ANOS1: variants seen among roughly 807,000 people sequenced by gnomAD.
The protein encoded by ANOS1 is anosmin-1.
Under a neutral mutation model 59.0 loss-of-function variants are expected in ANOS1, and 6 were observed. The ratio of observed to expected loss-of-function variants is 0.10; its 90% CI spans 0.06 to 0.20. ANOS1 has a LOEUF of 0.20. Among genes scored for constraint, ANOS1 ranks in the 10% least tolerant of loss-of-function variants. The pLI, the probability that ANOS1 is intolerant of heterozygous loss-of-function variation, is 1.00. For synonymous variants in ANOS1, 217 were observed against 223.4 expected, an observed-to-expected ratio of 0.97 and a Z score of 0.25; for missense variants, 433 against 542.3, an observed-to-expected ratio of 0.80 and a Z score of 2.00.
intron 2 of ANOS1, among the ~76,000 whole-genome samples, chrX:8,661,879 G>A (rs186068811): frequency 1.3e-3 from 148 of 110,972 alleles, no homozygotes; most frequent in African/African-American, 4.6e-3. Context: ...TGTAAGGGAC[G>A]GACATCAAAC....
At chrX:8,710,381 T>C (rs1406097969) in intron 1 of ANOS1, among the ~76,000 whole-genome samples, 2 of 111,895 alleles carry the variant, frequency 1.8e-5, no homozygotes, top group East Asian at 2.8e-4. Context: ...TTCCGGTCTC[T>C]GTCAAAGTGT....
chrX:8,681,934 G>A (rs1302361956), intron 2 of ANOS1, among the ~76,000 whole-genome samples: 1 of 111,454 alleles, frequency 9.0e-6, no homozygotes, highest in Non-Finnish European at 1.9e-5. Flanking sequence ...TACTCCTAAT[G>A]TAAGATAAGG....
intron 2 of ANOS1, among the ~76,000 whole-genome samples, chrX:8,673,896 A>C (rs1452997250): frequency 3.6e-5 from 4 of 111,261 alleles, no homozygotes; most frequent in Non-Finnish European, 7.5e-5. Context: ...AGGAGGCTGT[A>C]TTGTCTTCAC....
chrX:8,630,267 C>CA (rs1434129699), intron 2 of ANOS1, among the ~76,000 whole-genome samples: 2 of 110,345 alleles, frequency 1.8e-5, no homozygotes, highest in Non-Finnish European at 3.8e-5. Context: ...CTGTCTCTAC[C>CA]AAAAAATACA....
intron 2 of ANOS1, among the ~76,000 whole-genome samples, chrX:8,686,517 CTGTT>C (rs1932524506): frequency 1.8e-5 from 2 of 112,314 alleles, no homozygotes; most frequent in African/African-American, 6.5e-5. Flanking sequence ...TAAAGACAGG[CTGTT>C]TGATTTAAGT....
intron 2 of ANOS1, among the ~76,000 whole-genome samples, chrX:8,666,920 G>A (rs1361901759): frequency 9.0e-6 from 1 of 111,694 alleles, no homozygotes; most frequent in African/African-American, 3.3e-5. Flanking sequence ...CCCCATGAGG[G>A]GAAACTGCCC....
chrX:8,729,229 CAAGAG>C (rs1221715279), intron 1 of ANOS1, among the ~76,000 whole-genome samples: 1 of 109,573 alleles, frequency 9.1e-6, no homozygotes, highest in Non-Finnish European at 1.9e-5. Flanking sequence ...TGAAACCGTG[CAAGAG>C]AAGATGGAAA....
At chrX:8,559,091 A>G (rs1929991798) in intron 8 of ANOS1, among the ~76,000 whole-genome samples, 1 of 111,835 alleles carries the variant, frequency 8.9e-6, no homozygotes, top group African/African-American at 3.3e-5. Context: ...AAATACCACC[A>G]GGCAAATCTG....
At chrX:8,728,268 T>C (rs1376754508) in intron 1 of ANOS1, among the ~76,000 whole-genome samples, 2 of 112,264 alleles carry the variant, frequency 1.8e-5, no homozygotes, top group African/African-American at 6.5e-5. Context: ...AGCTGCCTCC[T>C]AGGAGTGTTG....
chrX:8,545,989 T>C (rs1929766427), intron 9 of ANOS1, among the ~76,000 whole-genome samples: 1 of 112,268 alleles, frequency 8.9e-6, no homozygotes. Flanking sequence ...CCACTTTAGA[T>C]GGGTCTATTG....
chrX:8,706,137 G>A (rs147531042), intron 1 of ANOS1, among the ~76,000 whole-genome samples: 68 of 112,093 alleles, frequency 6.1e-4, no homozygotes, highest in African/African-American at 1.9e-3. Flanking sequence ...CAACACACAC[G>A]GGAAGAATAA....
chrX:8,699,862 C>T (rs995953797), intron 1 of ANOS1, 117 bp from the exon 2 acceptor site: 1 of 487,497 alleles, frequency 2.1e-6, no homozygotes, highest in Non-Finnish European at 3.4e-6. Context: ...TTAACAAATA[C>T]CCAATCTTGC....
Position 8,587,992 on chromosome X carries a change from G to C in ANOS1, c.542-14C>G. 1 of 1,190,750 alleles carries C rather than the reference G, an allele frequency of 8.4e-7. No homozygotes were observed. Among genetic ancestry groups the C allele is most frequent in the Non-Finnish European group, 1.1e-6 (1 of 878,265 alleles). Reference sequence around the variant, plus strand: ...TCAGGGGGACACCTGAAACAGGACCGTATCAATTAAAACAATCTGCGTGTG... The same window carrying C: ...TCAGGGGGACACCTGAAACAGGACCCTATCAATTAAAACAATCTGCGTGTG... On this transcript the variant is annotated splice_polypyrimidine_tract_variant and intron_variant, in intron 4 of 13. Transcript: ENST00000262648.
At position 8,597,194 on chromosome X, in the gene ANOS1, C is replaced by T; in HGVS notation, c.381G>A (p.Leu127=). 8.3e-7 allele frequency: 1 copy of T among 1,211,898 alleles called. No homozygotes were observed. Reference sequence around the variant, plus strand: ...CCGGACAGTCCCCCTGCTTCACCAACAGGATGTATTTGAGGAACTCACAGC... The same window carrying T: ...CCGGACAGTCCCCCTGCTTCACCAATAGGATGTATTTGAGGAACTCACAGC... The part of the protein sequence containing the change: ...LTSCEFLKYI[L]LVKQGDCPAP... The change falls in exon 4 of 14, where the codon CTG becomes CTA. Residue 127 remains leucine (L), a synonymous_variant. Transcript: ENST00000262648.
intron 6 of ANOS1, among the ~76,000 whole-genome samples, chrX:8,579,882 C>T (rs1267361213): frequency 2.7e-5 from 3 of 111,705 alleles, no homozygotes; most frequent in Non-Finnish European, 5.6e-5. Context: ...AATAATTCAC[C>T]CTTTACTGTA....
At chrX:8,645,496 T>A (rs1313723974) in intron 2 of ANOS1, among the ~76,000 whole-genome samples, 1 of 112,423 alleles carries the variant, frequency 8.9e-6, no homozygotes, top group Admixed American at 9.4e-5. Flanking sequence ...GATTTACCTG[T>A]CTGGACTTTT....
In ANOS1 at chrX:8,534,475, T is replaced by C. The variant is rs1160647144; in HGVS notation, c.1843-15A>G. ...ACATAATGATCCTAAGGGGACAACATAAAAGAGCATGCTCACCGACAACCT... is the reference window on the plus strand; with the variant it reads ...ACATAATGATCCTAAGGGGACAACACAAAAGAGCATGCTCACCGACAACCT... On this transcript the variant is annotated splice_polypyrimidine_tract_variant and intron_variant, in intron 12 of 13. Transcript: ENST00000262648. 2 of 1,206,555 alleles carry C rather than the reference T, an allele frequency of 1.7e-6. No homozygotes were observed. The highest frequency in any genetic ancestry group is 2.2e-6 in the Non-Finnish European group (2 of 891,393).
intron 8 of ANOS1, among the ~76,000 whole-genome samples, chrX:8,564,435 T>A (rs1192851388): frequency 8.9e-6 from 1 of 112,097 alleles, no homozygotes; most frequent in East Asian, 2.8e-4. Context: ...GCTGAGCAGA[T>A]CAAGCCAGTG....
chrX:8,549,585 T>C (rs1256629245), intron 9 of ANOS1, among the ~76,000 whole-genome samples: 2 of 112,381 alleles, frequency 1.8e-5, no homozygotes, highest in Non-Finnish European at 3.7e-5. Flanking sequence ...AAGGCTGGGC[T>C]CAGAGGCTCT....
Sources: allele counts gnomAD v4.1 joint callset (sites outside exome capture counted in the v4.1 genomes callset), GRCh38; gene constraint gnomAD v4.1.1; transcripts MANE v1.5; gene names NCBI Gene and HGNC (gene_info 2026-07-23, HGNC 2026-07-21).